The following CCSER1 variants were observed in gnomAD, a reference collection of about 807,000 sequenced individuals.
The protein encoded by CCSER1 is coiled-coil serine rich protein 1.
A neutral mutation model predicts 82.0 loss-of-function variants in CCSER1; 41 were observed. That is an observed-to-expected ratio of 0.50 (90% confidence interval 0.39 to 0.65). The LOEUF (loss-of-function observed/expected upper bound fraction) is 0.65. Ranked by LOEUF, CCSER1 falls within the 30% of genes least tolerant of loss-of-function variation. CCSER1 has a pLI of 0.00. For missense variants in CCSER1, 1,119 were observed against 1,064.2 expected (o/e 1.05, Z -0.72); for synonymous variants, 414 against 383.9 (o/e 1.08, Z -0.92).
intron 10 of CCSER1, among the ~76,000 whole-genome samples, chr4:91,581,435 AAATC>A (rs1763721670): frequency 6.6e-6 from 1 of 151,814 alleles, no homozygotes; most frequent in Non-Finnish European, 1.5e-5. Flanking sequence ...GTGCAGCCCA[AAATC>A]AATAAGAAAG....
intron 1 of CCSER1, chr4:90,234,987 A>G (rs527892876): frequency 6.6e-6 from 1 of 152,284 alleles, no homozygotes. Flanking sequence ...TTAGCACAGA[A>G]GAAACTGCTG....
At chr4:91,162,813 T>C (rs922603474) in intron 10 of CCSER1, among the ~76,000 whole-genome samples, 1 of 152,198 alleles carries the variant, frequency 6.6e-6, no homozygotes, top group South Asian at 2.1e-4. Flanking sequence ...TATTTGATTA[T>C]TCTCTTTTTT....
intron 10 of CCSER1, among the ~76,000 whole-genome samples, chr4:91,292,949 G>T (rs1370608001): frequency 6.6e-6 from 1 of 151,876 alleles, no homozygotes; most frequent in African/African-American, 2.4e-5. Flanking sequence ...ATATAAGGCT[G>T]GGACCTGGGA....
intron 10 of CCSER1, among the ~76,000 whole-genome samples, chr4:91,342,019 A>G (rs1042707348): frequency 2.0e-5 from 3 of 152,214 alleles, no homozygotes; most frequent in Non-Finnish European, 2.9e-5. Context: ...ATGCAATTAA[A>G]TCTAATCAGA....
At chr4:90,326,828 G>A (rs984784673) in intron 3 of CCSER1, among the ~76,000 whole-genome samples, 1 of 152,150 alleles carries the variant, frequency 6.6e-6, no homozygotes, top group African/African-American at 2.4e-5. Flanking sequence ...ATTGGATGAG[G>A]TTTGGAGGGT....
intron 1 of CCSER1, among the ~76,000 whole-genome samples, chr4:90,280,050 C>T (rs1034404409): frequency 2.0e-5 from 3 of 151,818 alleles, no homozygotes; most frequent in African/African-American, 7.3e-5. Context: ...GATAAATATC[C>T]TTCAGAGGCC....
rs892488644 is a variant in CCSER1 at position 91,600,451 on chromosome 4, A to G, written c.*1394A>G. On this transcript the variant is annotated 3_prime_UTR_variant, in exon 11 of 11. Coordinates refer to ENST00000509176, the MANE Select transcript of CCSER1 (RefSeq NM_001145065.2). ...ATAGTCCATGCAAATTGAAACTGTCATACCTACTGCATGATCTGTTTCCCT... is the reference window on the plus strand; with the variant it reads ...ATAGTCCATGCAAATTGAAACTGTCGTACCTACTGCATGATCTGTTTCCCT... The G allele has an allele frequency of 1.3e-5, 2 of 152,174 alleles. No homozygotes were observed. The highest frequency in any genetic ancestry group is 4.8e-5 in the African/African-American group (2 of 41,458). 9.4% of individuals were successfully genotyped at this position (152,174 alleles called of 1,614,324 possible). A position where few individuals can be genotyped will look rare whatever the true frequency, so the allele number is the denominator to read the frequency against.
At chr4:90,308,028 T>C (rs1734619269) in intron 1 of CCSER1, among the ~76,000 whole-genome samples, 1 of 152,212 alleles carries the variant, frequency 6.6e-6, no homozygotes, top group African/African-American at 2.4e-5. Flanking sequence ...AATCTTAAAA[T>C]GTTTGCATCA....
At chr4:91,516,200 C>T (rs908303498) in intron 10 of CCSER1, among the ~76,000 whole-genome samples, 12 of 152,092 alleles carry the variant, frequency 7.9e-5, no homozygotes, top group Non-Finnish European at 1.8e-4. Context: ...TGTGCAGAAG[C>T]TCTTAAGTTT....
At chr4:91,203,649 T>TA (rs5860223) in intron 10 of CCSER1, among the ~76,000 whole-genome samples, 3,990 of 151,226 alleles carry the variant, frequency 0.026, 179 homozygotes, top group African/African-American at 0.091. Flanking sequence ...TATACTATGT[T>TA]AAAAAAAAAC....
chr4:91,462,731 G>T (rs959248693), intron 10 of CCSER1, among the ~76,000 whole-genome samples: 10 of 152,148 alleles, frequency 6.6e-5, no homozygotes, highest in African/African-American at 2.4e-4. Flanking sequence ...TGGCTCGGAG[G>T]GTCCCACACC....
chr4:90,462,115 TA>T lies in CCSER1; in HGVS notation c.1604-6114del, dbSNP rs528633506. Among the ~76,000 whole-genome samples, 162 of 146,888 alleles carry T rather than the reference TA, an allele frequency of 1.1e-3. 1 individual carries two copies. The highest frequency in any genetic ancestry group is 4.2e-3 in the African/African-American group (155 of 36,488). ...TCATCAAAAAACTTTGTATAGGCACTAAAAAGAAATATTTACTGGTTCAGTA... is the reference window on the plus strand; with the variant it reads ...TCATCAAAAAACTTTGTATAGGCACTAAAAGAAATATTTACTGGTTCAGTA... On this transcript the variant is annotated intron_variant, in intron 4 of 10. Coordinates refer to ENST00000509176, the MANE Select transcript of CCSER1 (RefSeq NM_001145065.2).
At chr4:91,234,079 A>G (rs897728677) in intron 10 of CCSER1, among the ~76,000 whole-genome samples, 7 of 152,016 alleles carry the variant, frequency 4.6e-5, no homozygotes, top group African/African-American at 9.6e-5. Flanking sequence ...GAAGCATTAT[A>G]TAAGAAGATA....
At chr4:90,870,510 A>G (rs1766335873) in intron 8 of CCSER1, among the ~76,000 whole-genome samples, 1 of 151,766 alleles carries the variant, frequency 6.6e-6, no homozygotes, top group African/African-American at 2.4e-5. Flanking sequence ...CATTTGATGA[A>G]CCATTTTTGC....
chr4:91,074,279 G>A (rs1029615894), intron 9 of CCSER1, among the ~76,000 whole-genome samples: 1 of 152,136 alleles, frequency 6.6e-6, no homozygotes, highest in African/African-American at 2.4e-5. Context: ...AAAACACTTG[G>A]AATGGTGCTT....
chr4:90,814,198 G>C (rs1478555992), intron 7 of CCSER1, among the ~76,000 whole-genome samples: 1 of 152,188 alleles, frequency 6.6e-6, no homozygotes, highest in African/African-American at 2.4e-5. Flanking sequence ...AGAGCAGCTG[G>C]GATGCAGGCT....
chr4:90,876,811 C>G (rs1037642326), intron 8 of CCSER1, among the ~76,000 whole-genome samples: 2 of 152,088 alleles, frequency 1.3e-5, no homozygotes, highest in African/African-American at 4.8e-5. Flanking sequence ...AATGCTAATA[C>G]TTTCAATCAA....
At chr4:90,497,688 A>G (rs577931564) in intron 5 of CCSER1, among the ~76,000 whole-genome samples, 19 of 152,344 alleles carry the variant, frequency 1.2e-4, no homozygotes, top group Admixed American at 1.2e-3. Context: ...AAGTACACTA[A>G]TTACTGTATT....
At chr4:91,421,273 T>A (rs1003172793) in intron 10 of CCSER1, among the ~76,000 whole-genome samples, 1 of 152,292 alleles carries the variant, frequency 6.6e-6, no homozygotes, top group South Asian at 2.1e-4. Context: ...TGATATGTAG[T>A]ATGCAAACTG....
Sources: allele counts gnomAD v4.1 joint callset (sites outside exome capture counted in the v4.1 genomes callset), GRCh38; gene constraint gnomAD v4.1.1; transcripts MANE v1.5; gene names NCBI Gene and HGNC (gene_info 2026-07-23, HGNC 2026-07-21).